The following TERT variants were observed in gnomAD, a reference collection of about 807,000 sequenced individuals.
TERT encodes telomerase catalytic subunit.
A neutral mutation model predicts 104.0 loss-of-function variants in TERT; 42 were observed. The observed-to-expected ratio is 0.40, with a 90% CI of 0.32 to 0.52. The LOEUF (loss-of-function observed/expected upper bound fraction) is 0.52. Among genes scored for constraint, TERT ranks in the 20% least tolerant of loss-of-function variants. The pLI is 0.43. For missense variants in TERT, 1,101 were observed against 1,610.3 expected (o/e 0.68, Z 5.41); for synonymous variants, 781 against 725.6 (o/e 1.08, Z -1.23).
At position 1,279,555 on chromosome 5, in the gene TERT, C is replaced by T. The variant is rs542603900; in HGVS notation, c.1951-85G>A. ...CCATAGGGACCCAGGGGAGAAGCAGCCCCTCCCCAGTGTCCCCAGCCACCC... is the reference window on the plus strand; with the variant it reads ...CCATAGGGACCCAGGGGAGAAGCAGTCCCTCCCCAGTGTCCCCAGCCACCC... On this transcript the variant is annotated intron_variant, in intron 4 of 15. Coordinates refer to ENST00000310581, the MANE Select transcript of TERT (RefSeq NM_198253.3). 9.2e-6 allele frequency: 13 copies of T among 1,405,636 alleles called. No individual in the cohort carries two copies. The African/African-American group carries it at 1.6e-4, about 17-fold the overall frequency. 87.1% of individuals were successfully genotyped at this position (1,405,636 alleles called of 1,614,324 possible). A position where few individuals can be genotyped will look rare whatever the true frequency, so the allele number is the denominator to read the frequency against.
At position 1,255,092 on chromosome 5, in the gene TERT, C is replaced by G. The variant is rs1375312971; in HGVS notation, c.3157+195G>C. Among the ~76,000 whole-genome samples, 2 of 152,350 alleles carry G rather than the reference C, an allele frequency of 1.3e-5. No individual in the cohort carries two copies. The highest frequency in any genetic ancestry group is 2.1e-4 in the South Asian group (1 of 4,828). ...GGGAAGGATGGCAGCTCCCAGACAGCTCCTGTCCCTTCCATCAGGTGCTCT... is the reference window on the plus strand; with the variant it reads ...GGGAAGGATGGCAGCTCCCAGACAGGTCCTGTCCCTTCCATCAGGTGCTCT... On this transcript the variant is annotated intron_variant, in intron 14 of 15. Coordinates refer to ENST00000310581, the MANE Select transcript of TERT (RefSeq NM_198253.3). The surrounding 1 kb of genome is among the most constrained non-coding windows in gnomAD (Gnocchi z 6.9).
chr5:1,272,340 A>G (rs1231698565), intron 6 of TERT, 60 bp from the exon 7 acceptor site: 1 of 1,424,410 alleles, frequency 7.0e-7, no homozygotes, highest in Admixed American at 1.8e-5. Flanking sequence ...AGAGCTGGGC[A>G]CTTGTTTCTT....
Position 1,279,418 on chromosome 5 carries a change from T to C in TERT, c.2003A>G (p.Glu668Gly). Residue 668 changes from glutamate (E) to glycine (G), a missense_variant, in exon 5 of 16, where the codon GAG becomes GGG. Physicochemically the swap from Glu to Gly is moderately conservative, Grantham distance 98 (BLOSUM62 -2). Coordinates refer to ENST00000310581, the MANE Select transcript of TERT (RefSeq NM_198253.3). ...CAGGAGGCCGGGGCGCCGCGCCCGC[T>C]CGTAGTTGAGCACGCTGAACAGTGC... ...VKALFSVLNY[E>G]RARRPGLLGA... 6.4e-7 allele frequency: 1 copy of C among 1,551,772 alleles called. No individual in the cohort carries two copies.
chr5:1,271,601 C>T (rs1040377573), intron 7 of TERT, among the ~76,000 whole-genome samples: 5 of 152,012 alleles, frequency 3.3e-5, no homozygotes, highest in Non-Finnish European at 5.9e-5. Context: ...GAGCCTCATG[C>T]GGTGGACACG....
chr5:1,293,153 G>A (rs1196654438), intron 2 of TERT, among the ~76,000 whole-genome samples, 160 bp downstream of exon 2: 3 of 152,256 alleles, frequency 2.0e-5, no homozygotes, highest in African/African-American at 7.2e-5. Context: ...GGAGAGCAGA[G>A]GCAGAGATCA....
chr5:1,283,293 G>C (rs866878654), intron 2 of TERT, among the ~76,000 whole-genome samples: 79 of 81,964 alleles, frequency 9.6e-4, no homozygotes, highest in Non-Finnish European at 1.7e-3. Context: ...GCGACCTCAC[G>C]CCAGACCTGC....
In TERT at chr5:1,268,124, G is replaced by A. The variant is rs35949937; in HGVS notation, c.2582+396C>T. ...ATGGGCTGAAGAGGCGCCCAGTCCAGGCCACCTGTCGAGGGCCTGCTGGGA... is the reference window on the plus strand; with the variant it reads ...ATGGGCTGAAGAGGCGCCCAGTCCAAGCCACCTGTCGAGGGCCTGCTGGGA... On this transcript the variant is annotated intron_variant, in intron 9 of 15. Transcript: ENST00000310581. The surrounding 1 kb of genome is among the most constrained non-coding windows in gnomAD (Gnocchi z 5.5). Among the ~76,000 whole-genome samples, 2,336 of 152,346 alleles carry A rather than the reference G, an allele frequency of 0.015. 69 individuals carry two copies. Among genetic ancestry groups the A allele is most frequent in the African/African-American group, 0.054 (2,249 of 41,578 alleles).
In TERT at chr5:1,261,370, C is replaced by T. The variant is rs1023390461; in HGVS notation, c.2844-770G>A. Among the ~76,000 whole-genome samples the T allele has an allele frequency of 2.6e-5, 4 of 152,170 alleles. No homozygotes were observed. The highest frequency in any genetic ancestry group is 3.2e-3 in the Middle Eastern group (1 of 316). On this transcript the variant is annotated intron_variant, in intron 11 of 15. Coordinates refer to ENST00000310581, the MANE Select transcript of TERT (RefSeq NM_198253.3). This position sits in a 1 kb window ranked among gnomAD's most constrained non-coding sequence, Gnocchi z 7.4. The stretch of plus-strand genomic sequence containing the variant: ...CCTTAGCCCTGTATTTGGGCAGGTT[C>T]GTGACTTGCTGTGGCAAGTCCCCCT...
Position 1,255,250 on chromosome 5 carries a change from G to A in TERT, c.3157+37C>T. On this transcript the variant is annotated intron_variant, in intron 14 of 15. Transcript: ENST00000310581. The surrounding 1 kb of genome is among the most constrained non-coding windows in gnomAD (Gnocchi z 6.9). ...CCTGACACACTAACACCAGCAGGCA[G>A]GCACTGCTGCCACTGAGGCCAGGCA... 1 of 1,610,130 alleles carries A rather than the reference G, an allele frequency of 6.2e-7. No individual in the cohort carries two copies. Among genetic ancestry groups the A allele is most frequent in the Non-Finnish European group, 8.5e-7 (1 of 1,178,346 alleles).
chr5:1,276,990 A>T (rs1011065836), intron 6 of TERT, among the ~76,000 whole-genome samples: 1 of 152,242 alleles, frequency 6.6e-6, no homozygotes, highest in African/African-American at 2.4e-5. Flanking sequence ...GCAGCAGAAC[A>T]CACAAAGAGC....
chr5:1,265,861 C>G lies in TERT; in HGVS notation c.2654+603G>C, dbSNP rs1748559533. On this transcript the variant is annotated intron_variant, in intron 10 of 15. Coordinates refer to ENST00000310581, the MANE Select transcript of TERT (RefSeq NM_198253.3). This position sits in a 1 kb window ranked among gnomAD's most constrained non-coding sequence, Gnocchi z 6.9. ...CTTGAGGGGGACCACATTGGACAAT[C>G]CCCTGTGCTGAGGCCAGGTCCCCTG... 6.6e-6 allele frequency among the ~76,000 whole-genome samples: 1 copy of G among 152,322 alleles called. No homozygotes were observed. Among genetic ancestry groups the G allele is most frequent in the African/African-American group, 2.4e-5 (1 of 41,576 alleles).
At chr5:1,285,066 T>A (rs1750387938) in intron 2 of TERT, among the ~76,000 whole-genome samples, 1 of 94,136 alleles carries the variant, frequency 1.1e-5, no homozygotes, top group South Asian at 5.5e-4. Context: ...CCTGGAGACC[T>A]CACCCCTGAC....
At position 1,295,067 on chromosome 5, in the gene TERT, A is replaced by C; in HGVS notation, c.-78T>G. The C allele has an allele frequency of 1.7e-6, 1 of 575,386 alleles. No individual in the cohort carries two copies. The highest frequency in any genetic ancestry group is 2.1e-6 in the Non-Finnish European group (1 of 468,544). The allele number at this position is 575,386 out of a possible 1,614,324, so 35.6% of individuals were successfully genotyped here. A position where few individuals can be genotyped will look rare whatever the true frequency, so the allele number is the denominator to read the frequency against. On this transcript the variant is annotated 5_prime_UTR_variant, in exon 1 of 16. Coordinates refer to ENST00000310581, the MANE Select transcript of TERT (RefSeq NM_198253.3). ...TGCCTGAAACTCGCGCCGCGAGGAG[A>C]GGGCGGGGCCGCGGAAAGGAAGGGG...
Position 1,268,166 on chromosome 5 carries a change from C to T in TERT, c.2582+354G>A, listed in dbSNP as rs1748752048. On this transcript the variant is annotated intron_variant, in intron 9 of 15. Coordinates refer to ENST00000310581, the MANE Select transcript of TERT (RefSeq NM_198253.3). The surrounding 1 kb of genome is among the most constrained non-coding windows in gnomAD (Gnocchi z 5.5). ...CTGCTGGGAGATGTGGGGCCTCAGG[C>T]TGCACCAGCCCCATCTCCCCAAGGA... 6.6e-6 allele frequency among the ~76,000 whole-genome samples: 1 copy of T among 152,224 alleles called. No homozygotes were observed. The highest frequency in any genetic ancestry group is 1.5e-5 in the Non-Finnish European group (1 of 68,034).
At chr5:1,259,792 G>A (rs1276979922) in intron 12 of TERT, among the ~76,000 whole-genome samples, 1 of 143,374 alleles carries the variant, frequency 7.0e-6, no homozygotes, top group Non-Finnish European at 1.5e-5. Flanking sequence ...CCACAGGAGA[G>A]AGGGAGTGGA....
At chr5:1,289,365 G>A (rs1203043436) in intron 2 of TERT, among the ~76,000 whole-genome samples, 1 of 143,580 alleles carries the variant, frequency 7.0e-6, no homozygotes, top group Non-Finnish European at 1.5e-5. Context: ...ACGTGACAGG[G>A]ACACCCGGGG....
intron 2 of TERT, among the ~76,000 whole-genome samples, chr5:1,291,453 C>A (rs1309757163): frequency 1.9e-5 from 2 of 106,768 alleles, no homozygotes; most frequent in Admixed American, 9.6e-5. Context: ...ACTCACCCTA[C>A]ACGTGACAGG....
intron 6 of TERT, among the ~76,000 whole-genome samples, chr5:1,277,301 G>A (rs1414156430): frequency 1.3e-5 from 2 of 152,196 alleles, no homozygotes; most frequent in Admixed American, 6.5e-5. Flanking sequence ...ACCCAGAGGC[G>A]AGGGCCTCTG....
intron 4 of TERT, 130 bp from the exon 5 acceptor site, chr5:1,279,600 C>A: frequency 1.1e-6 from 1 of 903,314 alleles, no homozygotes; most frequent in South Asian, 1.4e-5. Context: ...ACCTAGAACC[C>A]CTCCCAGCTT....
Sources: gnomAD v4.1 joint callset for allele counts (sites outside exome capture counted in the v4.1 genomes callset) on GRCh38, gnomAD v4.1.1 for gene constraint, Gnocchi (gnomAD v3.1) non-coding constraint, MANE v1.5 for transcripts, NCBI Gene and HGNC (gene_info 2026-07-23, HGNC 2026-07-21) for gene names.